Variants in GCNT2 observed in about 807,000 individuals in gnomAD.
GCNT2 encodes N-acetyllactosaminide beta-1,6-N-acetylglucosaminyl-transferase.
A neutral mutation model predicts 34.2 loss-of-function variants in GCNT2; 34 were observed. The observed-to-expected ratio is 1.00, with a 90% CI of 0.76 to 1.32. GCNT2 has a LOEUF of 1.32. Among genes scored for constraint, GCNT2 ranks in the 40% most tolerant of loss-of-function variants. The pLI, the probability that GCNT2 is intolerant of heterozygous loss-of-function variation, is 0.00. For missense variants in GCNT2, 584 were observed against 489.4 expected, an observed-to-expected ratio of 1.19 and a Z score of -1.82; for synonymous variants, 212 against 188.0, an observed-to-expected ratio of 1.13 and a Z score of -1.04.
chr6:10,556,764 C>T (rs753184939), intron 3 of GCNT2: 3 of 1,614,070 alleles, frequency 1.9e-6, no homozygotes, highest in East Asian at 2.2e-5. Flanking sequence ...CTCTTCAGGG[C>T]TATTTACATG....
At chr6:10,615,785 A>G (rs903332944) in intron 3 of GCNT2, among the ~76,000 whole-genome samples, 2 of 152,212 alleles carry the variant, frequency 1.3e-5, no homozygotes, top group Admixed American at 1.3e-4. Flanking sequence ...GGAGTGGATT[A>G]TTACCCCCGT....
At chr6:10,620,360 T>C (rs1200739015) in intron 3 of GCNT2, among the ~76,000 whole-genome samples, 1 of 152,172 alleles carries the variant, frequency 6.6e-6, no homozygotes, top group East Asian at 1.9e-4. Context: ...GTATTTCTCT[T>C]TTAGTTGCAT....
rs531892082 is a variant in GCNT2 at position 10,553,906 on chromosome 6, C to A, written c.925+24070C>A. 3.3e-5 allele frequency among the ~76,000 whole-genome samples: 5 copies of A among 152,200 alleles called. No homozygotes were observed. The East Asian group carries it at 5.8e-4, about 18-fold the overall frequency. On this transcript the variant is annotated intron_variant, in intron 3 of 4. Coordinates refer to ENST00000495262, the MANE Select transcript of GCNT2 (RefSeq NM_145649.5). ...CAGACACTGCCTCAAAGGAAAAAAACCAAACATACCTCAAATAATGTCTGC... is the reference window on the plus strand; with the variant it reads ...CAGACACTGCCTCAAAGGAAAAAAAACAAACATACCTCAAATAATGTCTGC...
intron 3 of GCNT2, among the ~76,000 whole-genome samples, chr6:10,610,399 A>G (rs1438588303): frequency 1.3e-5 from 2 of 152,210 alleles, no homozygotes; most frequent in East Asian, 3.8e-4. Flanking sequence ...AATCTGCTAT[A>G]ATTAGAAGAG....
At chr6:10,570,055 A>G (rs987056865) in intron 3 of GCNT2, among the ~76,000 whole-genome samples, 6 of 151,770 alleles carry the variant, frequency 4.0e-5, no homozygotes, top group Non-Finnish European at 5.9e-5. Context: ...AGCAGCCTCA[A>G]CCTACCAGGC....
At chr6:10,550,339 CA>C (rs201558650) in intron 3 of GCNT2, among the ~76,000 whole-genome samples, 3 of 151,202 alleles carry the variant, frequency 2.0e-5, no homozygotes, top group African/African-American at 7.3e-5. Flanking sequence ...TCCGGCCTAA[CA>C]TTTTTTTTTT....
chr6:10,611,630 A>G (rs573271841), intron 3 of GCNT2, among the ~76,000 whole-genome samples: 67 of 152,158 alleles, frequency 4.4e-4, no homozygotes, highest in Non-Finnish European at 7.9e-4. Flanking sequence ...TGCCCGGCCT[A>G]TGTACTTTGA....
At chr6:10,574,063 T>A (rs1229832255) in intron 3 of GCNT2, among the ~76,000 whole-genome samples, 1 of 152,256 alleles carries the variant, frequency 6.6e-6, no homozygotes, top group Non-Finnish European at 1.5e-5. Context: ...CTAAACTCTT[T>A]TTATATACTA....
At position 10,534,139 on chromosome 6, in the gene GCNT2, C is replaced by CTTTTTTTTTTTTTGTTTTTTTTT; in HGVS notation, c.925+4304_925+4305insTTTTTTTTTTTTGTTTTTTTTTT. 1.6e-5 allele frequency among the ~76,000 whole-genome samples: 2 copies of CTTTTTTTTTTTTTGTTTTTTTTT among 123,152 alleles called. 1 individual carries two copies. Among genetic ancestry groups the CTTTTTTTTTTTTTGTTTTTTTTT allele is most frequent in the South Asian group, 6.4e-4 (2 of 3,146 alleles). 80.8% of individuals were successfully genotyped at this position (123,152 alleles called of 152,430 possible). On this transcript the variant is annotated intron_variant, in intron 3 of 4. Coordinates refer to ENST00000495262, the MANE Select transcript of GCNT2 (RefSeq NM_145649.5). ...CTGGTATCTGCCAGATTCCATGCTGCTCTTTTTTTTTTTTTTTTTTAAGAT... is the reference window on the plus strand; with the variant it reads ...CTGGTATCTGCCAGATTCCATGCTGCTTTTTTTTTTTTTGTTTTTTTTTTCTTTTTTTTTTTTTTTTTTAAGAT...
At chr6:10,589,848 A>G (rs1161710714) in intron 3 of GCNT2, among the ~76,000 whole-genome samples, 1 of 152,208 alleles carries the variant, frequency 6.6e-6, no homozygotes, top group African/African-American at 2.4e-5. Context: ...TTTAGGTGCC[A>G]TATTGTCTGT....
At position 10,529,824 on chromosome 6, in the gene GCNT2, A is replaced by G. The variant is rs1761395163; in HGVS notation, c.913A>G (p.Asn305Asp). 4 of 1,613,160 alleles carry G rather than the reference A, an allele frequency of 2.5e-6. No individual in the cohort carries two copies. Among genetic ancestry groups the G allele is most frequent in the Non-Finnish European group, 3.4e-6 (4 of 1,179,144 alleles). Residue 305 changes from asparagine (N) to aspartate (D), a missense_variant, in exon 3 of 5, where the codon AAC becomes GAC. Physicochemically the swap from Asn to Asp is conservative, Grantham distance 23. Coordinates refer to ENST00000495262, the MANE Select transcript of GCNT2 (RefSeq NM_145649.5). ...CGACGAACATTTCTGGGTGACACTC[A>G]ACAGGATTCCCGGTATGTACGTCTC... ...SPDEHFWVTL[N>D]RIPGVPGSMP...
At chr6:10,588,850 GGTGT>G (rs1378698051) in intron 3 of GCNT2, among the ~76,000 whole-genome samples, 1 of 143,856 alleles carries the variant, frequency 7.0e-6, no homozygotes, top group African/African-American at 2.6e-5. Context: ...GTGTGTGTGT[GGTGT>G]GTATGTGTAT....
At chr6:10,581,804 C>T (rs925261076) in intron 3 of GCNT2, 1 of 984,946 alleles carries the variant, frequency 1.0e-6, no homozygotes. Context: ...CTTTCCCCTT[C>T]TGTTCTCCAC....
chr6:10,601,988 C>T (rs960445023), intron 3 of GCNT2, among the ~76,000 whole-genome samples: 8 of 151,366 alleles, frequency 5.3e-5, no homozygotes, highest in African/African-American at 1.7e-4. Context: ...CCCTTGATGC[C>T]GGAAAACTGG....
chr6:10,594,548 CAAT>C (rs1413617472), intron 3 of GCNT2, among the ~76,000 whole-genome samples: 1 of 152,088 alleles, frequency 6.6e-6, no homozygotes, highest in African/African-American at 2.4e-5. Flanking sequence ...TTTGTAGTCA[CAAT>C]AATGATGGCT....
chr6:10,614,909 C>G (rs1481650357), intron 3 of GCNT2, among the ~76,000 whole-genome samples: 2 of 152,200 alleles, frequency 1.3e-5, no homozygotes, highest in Non-Finnish European at 2.9e-5. Flanking sequence ...GTCAAAGGCA[C>G]TGTGAGAACT....
chr6:10,595,512 C>T (rs1764814408), intron 3 of GCNT2, among the ~76,000 whole-genome samples: 1 of 152,014 alleles, frequency 6.6e-6, no homozygotes, highest in East Asian at 1.9e-4. Flanking sequence ...CTCCTGACCT[C>T]GTGATCTGCC....
intron 3 of GCNT2, among the ~76,000 whole-genome samples, chr6:10,562,042 C>T (rs961604910): frequency 5.9e-5 from 9 of 152,172 alleles, no homozygotes; most frequent in African/African-American, 2.2e-4. Flanking sequence ...CTTAAACAAG[C>T]ACCAGAAGTT....
intron 3 of GCNT2, among the ~76,000 whole-genome samples, chr6:10,562,994 A>T (rs1763075447): frequency 6.6e-6 from 1 of 152,182 alleles, no homozygotes; most frequent in African/African-American, 2.4e-5. Flanking sequence ...CCCTACCTCT[A>T]CTAAATATAC....
Sources: allele counts gnomAD v4.1 joint callset (sites outside exome capture counted in the v4.1 genomes callset), GRCh38; gene constraint gnomAD v4.1.1; transcripts MANE v1.5; gene names NCBI Gene and HGNC (gene_info 2026-07-23, HGNC 2026-07-21).